PCDH15: variants seen among roughly 807,000 people sequenced by gnomAD.
PCDH15 encodes protocadherin-15.
PCDH15 carries 129 observed loss-of-function variants against 178.5 expected under a neutral mutation model. The ratio of observed to expected loss-of-function variants is 0.72; its 90% CI spans 0.63 to 0.84. PCDH15 has a LOEUF of 0.84. Ranked by LOEUF, PCDH15 falls within the 40% of genes least tolerant of loss-of-function variation. The pLI, the probability that PCDH15 is intolerant of heterozygous loss-of-function variation, is 0.00. For synonymous variants in PCDH15, 800 were observed against 732.0 expected (o/e 1.09, Z -1.50); for missense variants, 2,230 against 2,099.9 (o/e 1.06, Z -1.21).
At chr10:55,201,512 C>T (rs1840247526) in intron 1 of PCDH15, among the ~76,000 whole-genome samples, 1 of 152,174 alleles carries the variant, frequency 6.6e-6, no homozygotes, top group Non-Finnish European at 1.5e-5. Flanking sequence ...CCCCTAATGA[C>T]TTGTACACTG....
chr10:54,968,109 A>G (rs1838837691), intron 2 of PCDH15, among the ~76,000 whole-genome samples: 1 of 152,174 alleles, frequency 6.6e-6, no homozygotes, highest in Non-Finnish European at 1.5e-5. Flanking sequence ...TTACACTTAT[A>G]CATACATATA....
chr10:55,403,105 T>C (rs918454838), intron 2 of PCDH15, among the ~76,000 whole-genome samples: 2 of 152,046 alleles, frequency 1.3e-5, no homozygotes, highest in Non-Finnish European at 2.9e-5. Context: ...GAATGTCTTC[T>C]TTTGAAGTGA....
chr10:54,766,882 A>C (rs1365803269), intron 1 of PCDH15, among the ~76,000 whole-genome samples: 1 of 152,052 alleles, frequency 6.6e-6, no homozygotes, highest in Non-Finnish European at 1.5e-5. Context: ...GTGAGCCGAG[A>C]TAGCACCACT....
intron 2 of PCDH15, among the ~76,000 whole-genome samples, chr10:55,363,593 C>T (rs1845281333): frequency 6.6e-6 from 1 of 151,952 alleles, no homozygotes; most frequent in Admixed American, 6.6e-5. Context: ...ACAATGAATC[C>T]CTTGAACTTA....
chr10:54,024,670 T>C (rs183575380), intron 18 of PCDH15, among the ~76,000 whole-genome samples: 38 of 152,268 alleles, frequency 2.5e-4, no homozygotes, highest in African/African-American at 7.7e-4. Flanking sequence ...TGAGAAAAGA[T>C]AGAAGAATTG....
chr10:54,291,482 C>A (rs1267070277), intron 8 of PCDH15, among the ~76,000 whole-genome samples: 1 of 152,078 alleles, frequency 6.6e-6, no homozygotes, highest in Non-Finnish European at 1.5e-5. Flanking sequence ...CAGAGCAGAA[C>A]TGAAGGAGAT....
At chr10:54,531,233 C>T (rs1036573286) in intron 2 of PCDH15, among the ~76,000 whole-genome samples, 1 of 152,140 alleles carries the variant, frequency 6.6e-6, no homozygotes, top group Non-Finnish European at 1.5e-5. Context: ...CATTGTTTTT[C>T]ATGCCTAAAG....
At chr10:53,853,249 C>T (rs924772279) in intron 28 of PCDH15, among the ~76,000 whole-genome samples, 35 of 150,686 alleles carry the variant, frequency 2.3e-4, no homozygotes, top group African/African-American at 8.2e-4. Flanking sequence ...TTATCTTACA[C>T]CATATACAAA....
At chr10:55,598,866 A>C (rs1842999784) in intron 2 of PCDH15, among the ~76,000 whole-genome samples, 1 of 151,976 alleles carries the variant, frequency 6.6e-6, no homozygotes, top group South Asian at 2.1e-4. Context: ...CACCTGGATA[A>C]ACCAAAGTGT....
At chr10:55,272,353 T>C (rs991469410) in intron 1 of PCDH15, among the ~76,000 whole-genome samples, 5 of 150,794 alleles carry the variant, frequency 3.3e-5, no homozygotes, top group African/African-American at 1.2e-4. Flanking sequence ...TTATTGTGCC[T>C]TATTTTATTT....
intron 26 of PCDH15, among the ~76,000 whole-genome samples, chr10:53,882,895 TA>T (rs1299244227): frequency 6.6e-6 from 1 of 152,174 alleles, no homozygotes; most frequent in Non-Finnish European, 1.5e-5. Context: ...GTTTAATATA[TA>T]AAATGCTTTG....
chr10:55,199,588 G>A (rs1840185982), intron 1 of PCDH15, among the ~76,000 whole-genome samples: 1 of 152,038 alleles, frequency 6.6e-6, no homozygotes, highest in Non-Finnish European at 1.5e-5. Context: ...AAGTAAAGAA[G>A]AGCAGAATAT....
chr10:55,466,949 C>G (rs1839843419), intron 2 of PCDH15, among the ~76,000 whole-genome samples: 1 of 152,152 alleles, frequency 6.6e-6, no homozygotes, highest in Non-Finnish European at 1.5e-5. Context: ...CTTGCCCATA[C>G]TGAATGCTCC....
intron 5 of PCDH15, among the ~76,000 whole-genome samples, chr10:54,352,383 C>A (rs1212224049): frequency 6.6e-6 from 1 of 151,986 alleles, no homozygotes; most frequent in Non-Finnish European, 1.5e-5. Context: ...TGGAAACTTG[C>A]CCCCAAAAAG....
chr10:54,462,869 G>A (rs1226425338), intron 3 of PCDH15, among the ~76,000 whole-genome samples: 4 of 151,090 alleles, frequency 2.6e-5, no homozygotes, highest in Non-Finnish European at 5.9e-5. Flanking sequence ...CAACTGCTGG[G>A]TTGCTCCATG....
intron 2 of PCDH15, among the ~76,000 whole-genome samples, chr10:55,564,340 G>T (rs1265430218): frequency 6.6e-6 from 1 of 151,458 alleles, no homozygotes; most frequent in East Asian, 1.9e-4. Flanking sequence ...TAATTTTAGA[G>T]TGTTGGCGGT....
At chr10:54,956,699 G>A (rs1838496904) in intron 2 of PCDH15, among the ~76,000 whole-genome samples, 1 of 151,414 alleles carries the variant, frequency 6.6e-6, no homozygotes, top group Non-Finnish European at 1.5e-5. Context: ...CAGTTATCCA[G>A]GACTATTTAG....
chr10:54,666,710 C>A (rs571327998), intron 1 of PCDH15, among the ~76,000 whole-genome samples: 3 of 151,324 alleles, frequency 2.0e-5, no homozygotes, highest in African/African-American at 7.3e-5. Flanking sequence ...TAATACAAAC[C>A]AGAAAAGATA....
At chr10:54,956,266 C>G (rs1397001495) in intron 2 of PCDH15, among the ~76,000 whole-genome samples, 1 of 151,340 alleles carries the variant, frequency 6.6e-6, no homozygotes, top group Non-Finnish European at 1.5e-5. Context: ...CATAACAGGA[C>G]TTGTCTATTT....
Sources: allele counts gnomAD v4.1 joint callset (sites outside exome capture counted in the v4.1 genomes callset), GRCh38; gene constraint gnomAD v4.1.1; transcripts MANE v1.5; gene names NCBI Gene and HGNC (gene_info 2026-07-23, HGNC 2026-07-21).